The following UMODL1 variants were observed in gnomAD, a reference collection of about 807,000 sequenced individuals.
UMODL1 encodes uromodulin like 1.
A neutral mutation model predicts 136.3 loss-of-function variants in UMODL1; 128 were observed. The observed-to-expected ratio is 0.94, with a 90% CI of 0.81 to 1.09. UMODL1 has a LOEUF of 1.09. UMODL1 is among the 50% of genes least tolerant of loss of function. The pLI, the probability that UMODL1 is intolerant of heterozygous loss-of-function variation, is 0.00. For synonymous variants in UMODL1, 721 were observed against 720.0 expected (o/e 1.00, Z -0.02); for missense variants, 1,766 against 1,725.6 (o/e 1.02, Z -0.41).
chr21:42,134,318 G>A (rs2067174207), intron 21 of UMODL1, among the ~76,000 whole-genome samples: 1 of 152,248 alleles, frequency 6.6e-6, no homozygotes, highest in South Asian at 2.1e-4. Context: ...TAGTACATCA[G>A]CATGATAATT....
chr21:42,071,832 A>T (rs544436692), intron 1 of UMODL1, among the ~76,000 whole-genome samples: 15 of 146,830 alleles, frequency 1.0e-4, no homozygotes, highest in Admixed American at 6.8e-4. Flanking sequence ...TTACAGATTT[A>T]AAAAAAAAAG....
intron 10 of UMODL1, 148 bp from the exon 11 acceptor site, chr21:42,110,732 T>C (rs920324400): frequency 1.5e-5 from 11 of 747,258 alleles, no homozygotes; most frequent in Non-Finnish European, 2.4e-5. Flanking sequence ...CAGGAAACAC[T>C]CCTGAACGCT....
upstream of UMODL1, among the ~76,000 whole-genome samples, chr21:42,069,718 T>C (rs765204105): frequency 6.6e-6 from 1 of 152,230 alleles, no homozygotes; most frequent in African/African-American, 2.4e-5. Flanking sequence ...CTGATTTACC[T>C]TGATATTTTA....
rs753309225 is a variant in UMODL1, at chr21:42,111,100, A to G, written c.1878A>G (p.Thr626=). 6.2e-7 allele frequency: 1 copy of G among 1,612,258 alleles called. No homozygotes were observed. The highest frequency in any genetic ancestry group is 1.1e-5 in the South Asian group (1 of 90,756). ...TGGTCGGGTATGACAGGAACAACAC[A>G]GGAAAAGGCGTGGAGCAGGAGGTGC... is the stretch of plus-strand genomic sequence containing the variant. ...SNVVGYDRNN[T]GKGVEQELQG... is the part of the protein sequence containing the mutation. Residue 626 remains threonine (T), a synonymous_variant, in exon 11 of 23, where the codon ACA becomes ACG. Transcript: ENST00000408910.
At chr21:42,083,438 C>G (rs2066386205) in intron 2 of UMODL1, among the ~76,000 whole-genome samples, 1 of 152,206 alleles carries the variant, frequency 6.6e-6, no homozygotes, top group Middle Eastern at 3.2e-3. Context: ...GCACTGTCAC[C>G]TAGGTCGGCC....
At chr21:42,116,317 G>A (rs1260856702) in intron 14 of UMODL1, among the ~76,000 whole-genome samples, 1 of 151,628 alleles carries the variant, frequency 6.6e-6, no homozygotes, top group Non-Finnish European at 1.5e-5. Context: ...TCGTGCCACT[G>A]CACTCTAGCC....
At chr21:42,071,026 T>C (rs1281888886), upstream of UMODL1, among the ~76,000 whole-genome samples, 1 of 152,170 alleles carries the variant, frequency 6.6e-6, no homozygotes, top group Non-Finnish European at 1.5e-5. Context: ...GTCTGGGCTT[T>C]TGGGTACTCA....
Position 42,142,781 on chromosome 21 carries a change from T to C in UMODL1, c.*707T>C, listed in dbSNP as rs901616451. The C allele has an allele frequency of 2.0e-5, 3 of 152,218 alleles. No individual in the cohort carries two copies. Among genetic ancestry groups the C allele is most frequent in the African/African-American group, 7.2e-5 (3 of 41,458 alleles). The allele number at this position is 152,218 out of a possible 1,614,324, so 9.4% of individuals were successfully genotyped here. A position where few individuals can be genotyped will look rare whatever the true frequency, so the allele number is the denominator to read the frequency against. The stretch of plus-strand genomic sequence containing the variant: ...AAGCATTTTCACAGCCGTTTCTTCA[T>C]ATAATCCGACCACAGTGGGAGGTGT... On this transcript the variant is annotated 3_prime_UTR_variant, in exon 23 of 23. Coordinates refer to ENST00000408910, the MANE Select transcript of UMODL1 (RefSeq NM_001004416.3).
At chr21:42,067,215 A>ACC (rs546805881), upstream of UMODL1, among the ~76,000 whole-genome samples, 2 of 149,638 alleles carry the variant, frequency 1.3e-5, no homozygotes, top group Admixed American at 6.6e-5. Flanking sequence ...TTCGTGATCC[A>ACC]CCCCCCACCC....
rs757593234 is a variant in UMODL1, at chr21:42,085,442, C to T, written c.603+30C>T. Reference sequence around the variant, plus strand: ...GTGAGACAGACGGGGGCTGCCTGCACCCTCCTTGTGGCAGCTGCTCAGGCA... The same window carrying T: ...GTGAGACAGACGGGGGCTGCCTGCATCCTCCTTGTGGCAGCTGCTCAGGCA... On this transcript the variant is annotated intron_variant, in intron 4 of 22. Coordinates refer to ENST00000408910, the MANE Select transcript of UMODL1 (RefSeq NM_001004416.3). This position sits in a 1 kb window ranked among gnomAD's most constrained non-coding sequence, Gnocchi z 4.5. 3.7e-6 allele frequency: 6 copies of T among 1,613,114 alleles called. No homozygotes were observed. Among genetic ancestry groups the T allele is most frequent in the Middle Eastern group, 1.7e-4 (1 of 6,056 alleles).
intron 4 of UMODL1, 26 bp from the exon 5 acceptor site, chr21:42,088,268 G>A (rs1463187575): frequency 3.7e-6 from 6 of 1,602,604 alleles, no homozygotes; most frequent in Non-Finnish European, 5.1e-6. Flanking sequence ...CTTCTGCTGT[G>A]TGACACTCTG....
chr21:42,076,108 C>T lies in UMODL1; in HGVS notation c.180C>T (p.Ser60=). ...AGACGTCCTACACGTCCTATGTGTC[C>T]TGCGGCGGCTGGATCCCCTGGAGGC... ...AVQTSYTSYV[S]CGGWIPWRRC... Residue 60 remains serine (S), a synonymous_variant, in exon 2 of 23, where the codon TCC becomes TCT. Coordinates refer to ENST00000408910, the MANE Select transcript of UMODL1 (RefSeq NM_001004416.3). 1.2e-6 allele frequency: 2 copies of T among 1,614,256 alleles called. No homozygotes were observed. Among genetic ancestry groups the T allele is most frequent in the Non-Finnish European group, 1.7e-6 (2 of 1,180,052 alleles).
At chr21:42,102,124 G>T in intron 7 of UMODL1, 42 bp from the exon 8 acceptor site, 3 of 1,479,452 alleles carry the variant, frequency 2.0e-6, no homozygotes, top group South Asian at 2.3e-5. Flanking sequence ...ACAAGTGTGT[G>T]ACTTTTGACC....
At chr21:42,108,712 C>T (rs57966423) in intron 9 of UMODL1, among the ~76,000 whole-genome samples, 48,199 of 151,942 alleles carry the variant, frequency 0.32, 7,863 homozygotes, top group African/African-American at 0.4. Context: ...CCCATGGGAG[C>T]TACATTGTCC....
chr21:42,141,951 G>T (rs990997817), intron 22 of UMODL1, 145 bp from the exon 23 acceptor site: 1 of 152,232 alleles, frequency 6.6e-6, no homozygotes, highest in Admixed American at 6.5e-5. Flanking sequence ...TTTCATTAGG[G>T]GCTTGATCTG....
chr21:42,091,997 C>T (rs1046809614), intron 6 of UMODL1, among the ~76,000 whole-genome samples: 7 of 152,132 alleles, frequency 4.6e-5, no homozygotes, highest in African/African-American at 1.4e-4. Context: ...GAAGGGCGTG[C>T]GCAGCAAGGT....
chr21:42,127,556 C>T (rs1418859603), intron 19 of UMODL1, 116 bp from the exon 20 acceptor site: 2 of 1,265,130 alleles, frequency 1.6e-6, no homozygotes, highest in Admixed American at 2.7e-5. Context: ...CCTCGACTTC[C>T]ACGGAGCCTG....
intron 14 of UMODL1, among the ~76,000 whole-genome samples, chr21:42,116,756 C>T (rs2066906990): frequency 6.6e-6 from 1 of 152,100 alleles, no homozygotes; most frequent in Non-Finnish European, 1.5e-5. Context: ...ATTTTCATCA[C>T]CCAAAAAGAA....
upstream of UMODL1, chr21:42,062,922 C>T (rs75074593): frequency 0.049 from 7,434 of 152,338 alleles, 266 homozygotes; most frequent in East Asian, 0.19. Flanking sequence ...TCTCTCGCAG[C>T]TCGGAGGCTG....
Sources: gnomAD v4.1 joint callset for allele counts (sites outside exome capture counted in the v4.1 genomes callset) on GRCh38, gnomAD v4.1.1 for gene constraint, Gnocchi (gnomAD v3.1) non-coding constraint, MANE v1.5 for transcripts, NCBI Gene and HGNC (gene_info 2026-07-23, HGNC 2026-07-21) for gene names.